ANK3: variants seen among roughly 807,000 people sequenced by gnomAD.
ANK3 encodes the protein ankyrin 3, also known as ankyrin-3.
ANK3 carries 57 observed loss-of-function variants against 370.9 expected under a neutral mutation model. The ratio of observed to expected loss-of-function variants is 0.15; its 90% CI spans 0.12 to 0.19. ANK3 has a LOEUF of 0.19. Ranked by LOEUF, ANK3 falls within the 10% of genes least tolerant of loss-of-function variation. The pLI is 1.00. For synonymous variants in ANK3, 1,929 were observed against 1,946.3 expected (o/e 0.99, Z 0.23); for missense variants, 4,439 against 5,302.1 (o/e 0.84, Z 5.06).
In ANK3 at chr10:60,114,340, T is replaced by C; in HGVS notation, c.2842-9A>G. 1 of 1,507,044 alleles carries C rather than the reference T, an allele frequency of 6.6e-7. No individual in the cohort carries two copies. The allele number at this position is 1,507,044 out of a possible 1,614,324, so 93.4% of individuals were successfully genotyped here. The stretch of plus-strand genomic sequence containing the variant: ...CTTGTGAATGTTAGATGCTGAAAAA[T>C]AAAATGGTAAATTAAATTACATCAA... On this transcript the variant is annotated splice_polypyrimidine_tract_variant and intron_variant, in intron 25 of 43. Coordinates refer to ENST00000280772, the MANE Select transcript of ANK3 (RefSeq NM_020987.5).
At chr10:60,114,817 G>A (rs1403726379) in intron 25 of ANK3, among the ~76,000 whole-genome samples, 2 of 152,218 alleles carry the variant, frequency 1.3e-5, no homozygotes, top group African/African-American at 4.8e-5. Flanking sequence ...GCAGAGGGCG[G>A]TTGAAGCATC....
intron 8 of ANK3, among the ~76,000 whole-genome samples, chr10:60,228,664 T>A (rs2097200081): frequency 6.6e-6 from 1 of 152,174 alleles, no homozygotes. Flanking sequence ...TCTTTATCTT[T>A]CCTTTGAGGA....
chr10:60,093,997 C>T (rs2089441269), intron 28 of ANK3, among the ~76,000 whole-genome samples: 1 of 151,914 alleles, frequency 6.6e-6, no homozygotes, highest in Admixed American at 6.6e-5. Flanking sequence ...TACATTTTAA[C>T]AGTATTTTGA....
intron 2 of ANK3, among the ~76,000 whole-genome samples, chr10:60,570,504 A>C (rs372903911): frequency 1.6e-4 from 24 of 152,170 alleles, no homozygotes; most frequent in East Asian, 7.7e-4. Context: ...CAGAAGAATG[A>C]TTTAATTCAG....
At chr10:60,236,380 C>G (rs2097333988) in intron 7 of ANK3, among the ~76,000 whole-genome samples, 1 of 150,320 alleles carries the variant, frequency 6.7e-6, no homozygotes, top group South Asian at 2.1e-4. Flanking sequence ...CATTAGTTTG[C>G]TCAAGTTGGA....
At chr10:60,481,005 C>T (rs1238585444) in intron 2 of ANK3, among the ~76,000 whole-genome samples, 2 of 152,176 alleles carry the variant, frequency 1.3e-5, no homozygotes, top group Non-Finnish European at 1.5e-5. Flanking sequence ...GATGATTCCG[C>T]TGGACTTCCG....
chr10:60,158,677 C>CTTTTTTTTTTTTT (rs1555028623), intron 23 of ANK3, among the ~76,000 whole-genome samples: 3 of 49,298 alleles, frequency 6.1e-5, no homozygotes, highest in African/African-American at 2.6e-4. Flanking sequence ...AGAGAAAGCA[C>CTTTTTTTTTTTTT]TTTTTTTCTT....
intron 42 of ANK3, among the ~76,000 whole-genome samples, chr10:60,048,214 T>A (rs1378434869): frequency 1.3e-5 from 2 of 152,116 alleles, no homozygotes; most frequent in African/African-American, 4.8e-5. Flanking sequence ...TTTTCAGAAC[T>A]GGGATACTAA....
Position 60,166,553 on chromosome 10 carries a change from A to G in ANK3, c.2614+38T>C, listed in dbSNP as rs566945823. ...ATAAGAAATGAAAGATAAAGTTGGTAGTAGTTAAGTTTCATCACAATAAAA... is the reference window on the plus strand; with the variant it reads ...ATAAGAAATGAAAGATAAAGTTGGTGGTAGTTAAGTTTCATCACAATAAAA... On this transcript the variant is annotated intron_variant, in intron 23 of 43. Transcript: ENST00000280772. 20 of 1,462,682 alleles carry G rather than the reference A, an allele frequency of 1.4e-5. 1 individual carries two copies. In the South Asian group the frequency reaches 1.7e-4, roughly 13 times the overall value. 90.6% of individuals were successfully genotyped at this position (1,462,682 alleles called of 1,614,324 possible).
At chr10:60,093,955 A>G (rs1360170830) in intron 28 of ANK3, among the ~76,000 whole-genome samples, 1 of 152,104 alleles carries the variant, frequency 6.6e-6, no homozygotes, top group Non-Finnish European at 1.5e-5. Flanking sequence ...TTTTGACACC[A>G]TTAAAACTTG....
chr10:60,042,855 G>GA (rs1399645052), intron 42 of ANK3, 96 bp from the exon 43 acceptor site: 20 of 1,568,008 alleles, frequency 1.3e-5, no homozygotes, highest in Non-Finnish European at 1.6e-5. Context: ...TAGGACAAGC[G>GA]AAACAGTTTA....
At position 60,075,500 on chromosome 10, in the gene ANK3, G is replaced by A; in HGVS notation, c.5381C>T (p.Thr1794Ile). The A allele has an allele frequency of 6.2e-7, 1 of 1,613,398 alleles. No individual in the cohort carries two copies. Among genetic ancestry groups the A allele is most frequent in the Non-Finnish European group, 8.5e-7 (1 of 1,180,000 alleles). Residue 1794 changes from threonine to isoleucine, a missense_variant, in exon 37 of 44, where the codon ACT (threonine) becomes ATT (isoleucine). By Grantham distance (89) the Thr-to-Ile change is moderately conservative (BLOSUM62 -1). This residue lies in a region of ANK3 where 679 missense variants were observed against 791.0 expected (regional missense o/e 0.86). Transcript: ENST00000280772. ...AAPSAFQSLR[T>I]PSASALYTSL... ...TGTATAGAGTGCACTTGCGGAAGGA[G>A]TTCTTAGAGACTGAAAAGCTGATGG...
chr10:60,581,938 G>T (rs574179400), intron 2 of ANK3, among the ~76,000 whole-genome samples: 1 of 152,110 alleles, frequency 6.6e-6, no homozygotes, highest in Non-Finnish European at 1.5e-5. Context: ...ATACTATGCA[G>T]CCATAAAAAA....
chr10:60,581,453 C>G (rs1389783905), intron 2 of ANK3, among the ~76,000 whole-genome samples: 3 of 127,676 alleles, frequency 2.3e-5, no homozygotes, highest in African/African-American at 9.0e-5. Flanking sequence ...AAGACAGAGT[C>G]TCGCTTTGTC....
At chr10:60,167,388 A>G (rs910376961) in intron 21 of ANK3, among the ~76,000 whole-genome samples, 1 of 152,214 alleles carries the variant, frequency 6.6e-6, no homozygotes. Flanking sequence ...AATATTTACA[A>G]CAATAATCTT....
In ANK3 at chr10:60,113,148, G is replaced by A. The variant is rs764984126; in HGVS notation, c.2948+1077C>T. On this transcript the variant is annotated intron_variant, in intron 26 of 43. Coordinates refer to ENST00000280772, the MANE Select transcript of ANK3 (RefSeq NM_020987.5). ...GGGAGGCAGGATGAGGAGGCTACTC[G>A]GTGTGGTTTTTAACCACAGCACTTC... Among the ~76,000 whole-genome samples, 8 of 151,892 alleles carry A rather than the reference G, an allele frequency of 5.3e-5. No individual in the cohort carries two copies. In the East Asian group the frequency reaches 5.8e-4, roughly 11 times the overall value.
intron 2 of ANK3, among the ~76,000 whole-genome samples, chr10:60,450,165 G>A (rs913374727): frequency 3.9e-5 from 6 of 152,078 alleles, no homozygotes; most frequent in African/African-American, 1.2e-4. Flanking sequence ...TCATGGTGAA[G>A]TGCCTGTATT....
chr10:60,191,989 T>C (rs2096490672), intron 16 of ANK3, among the ~76,000 whole-genome samples: 1 of 152,070 alleles, frequency 6.6e-6, no homozygotes, highest in Admixed American at 6.5e-5. Flanking sequence ...GCTCACTGCA[T>C]CCTCTGCCTC....
chr10:60,724,838 G>A lies in ANK3; in HGVS notation c.57+8425C>T, dbSNP rs185163984. Among the ~76,000 whole-genome samples, 55 of 152,260 alleles carry A rather than the reference G, an allele frequency of 3.6e-4. 1 individual carries two copies. The highest frequency in any genetic ancestry group is 3.7e-4 in the Non-Finnish European group (25 of 68,030). On this transcript the variant is annotated intron_variant, in intron 1 of 43. Transcript: ENST00000373827. Reference sequence around the variant, plus strand: ...GTGAGGATCTCTTTGGTTAAGCCTTGTGGTAACAGAGTTAATCACAATAAA... The same window carrying A: ...GTGAGGATCTCTTTGGTTAAGCCTTATGGTAACAGAGTTAATCACAATAAA...
Sources: allele counts gnomAD v4.1 joint callset (sites outside exome capture counted in the v4.1 genomes callset), GRCh38; gene constraint gnomAD v4.1.1; regional missense constraint gnomAD v4.1.1; transcripts MANE v1.5; gene names NCBI Gene and HGNC (gene_info 2026-07-23, HGNC 2026-07-21).